ADAM12: variants seen among roughly 807,000 people sequenced by gnomAD.
The protein encoded by ADAM12 is disintegrin and metalloproteinase domain-containing protein 12.
In ADAM12, 70 loss-of-function variants were observed where a neutral mutation model predicts 106.4. The observed-to-expected ratio is 0.66, with a 90% CI of 0.54 to 0.80. The LOEUF (loss-of-function observed/expected upper bound fraction) is 0.80. Ranked by LOEUF, ADAM12 falls within the 30% of genes least tolerant of loss-of-function variation. The pLI is 0.00. For missense variants in ADAM12, 1,010 were observed against 1,171.9 expected (o/e 0.86, Z 2.02); for synonymous variants, 420 against 433.5 (o/e 0.97, Z 0.39).
At chr10:126,055,256 C>T (rs897713893) in intron 14 of ADAM12, among the ~76,000 whole-genome samples, 1 of 152,186 alleles carries the variant, frequency 6.6e-6, no homozygotes, top group African/African-American at 2.4e-5. Flanking sequence ...CAGACTCCCC[C>T]TGAGTCAGCA....
At chr10:126,380,983 A>C (rs1213653293) in intron 1 of ADAM12, among the ~76,000 whole-genome samples, 1 of 152,010 alleles carries the variant, frequency 6.6e-6, no homozygotes, top group Admixed American at 6.6e-5. Context: ...TGAGTTCATT[A>C]CAGCATCATC....
chr10:126,321,169 G>A (rs753482741), intron 2 of ADAM12, among the ~76,000 whole-genome samples: 21 of 152,112 alleles, frequency 1.4e-4, no homozygotes, highest in Non-Finnish European at 2.5e-4. Context: ...GTAACTATAA[G>A]CCCTACATGT....
At chr10:126,233,319 A>G (rs1958349661) in intron 3 of ADAM12, among the ~76,000 whole-genome samples, 1 of 152,124 alleles carries the variant, frequency 6.6e-6, no homozygotes, top group South Asian at 2.1e-4. Flanking sequence ...GAACCAGGTA[A>G]GGAGAGTGTT....
intron 3 of ADAM12, among the ~76,000 whole-genome samples, chr10:126,264,543 T>C (rs544303264): frequency 6.6e-6 from 1 of 152,148 alleles, no homozygotes; most frequent in Non-Finnish European, 1.5e-5. Flanking sequence ...TCCACCAGCA[T>C]ACTGAGAAGA....
intron 3 of ADAM12, among the ~76,000 whole-genome samples, chr10:126,163,041 G>A (rs912745026): frequency 1.1e-4 from 16 of 152,116 alleles, no homozygotes; most frequent in African/African-American, 2.9e-4. Context: ...ACTTTCTCCC[G>A]CTTTCATCAT....
intron 21 of ADAM12, among the ~76,000 whole-genome samples, chr10:126,024,560 G>T (rs1016447224): frequency 6.6e-6 from 1 of 152,136 alleles, no homozygotes; most frequent in Non-Finnish European, 1.5e-5. Flanking sequence ...ATATTTTCAT[G>T]TAACTGTCAC....
At chr10:126,038,952 C>CTTTTTTTTTTTTTTTTTTTTTTTTT in intron 19 of ADAM12, among the ~76,000 whole-genome samples, 1 of 71,542 alleles carries the variant, frequency 1.4e-5, no homozygotes, top group Non-Finnish European at 2.5e-5. Context: ...GACACCATTT[C>CTTTTTTTTTTTTTTTTTTTTTTTTT]TTTTTTTTTT....
chr10:126,367,652 GA>G (rs918271080), intron 1 of ADAM12, among the ~76,000 whole-genome samples: 8 of 151,926 alleles, frequency 5.3e-5, no homozygotes, highest in African/African-American at 1.4e-4. Context: ...CTAGCAGGAT[GA>G]AAAAAATGAG....
At chr10:126,104,407 G>T (rs1047399804) in intron 8 of ADAM12, among the ~76,000 whole-genome samples, 2 of 149,200 alleles carry the variant, frequency 1.3e-5, no homozygotes, top group Non-Finnish European at 3.0e-5. Context: ...CCAAGATGGC[G>T]CCATTGCACT....
intron 18 of ADAM12, chr10:126,041,970 A>G (rs1365315082): frequency 1.4e-6 from 2 of 1,429,782 alleles, no homozygotes; most frequent in Non-Finnish European, 1.8e-6. Flanking sequence ...CGTGCCTGGT[A>G]GGCTGGACTT....
chr10:126,239,774 G>A (rs10901567), intron 3 of ADAM12, among the ~76,000 whole-genome samples: 12 of 151,878 alleles, frequency 7.9e-5, no homozygotes, highest in South Asian at 2.1e-4. Context: ...AACCATTCAC[G>A]TCATTCAGAA....
chr10:126,152,008 GTTTT>G (rs59527849), intron 4 of ADAM12, among the ~76,000 whole-genome samples: 1 of 133,098 alleles, frequency 7.5e-6, no homozygotes, highest in African/African-American at 2.7e-5. Context: ...TCCCTCTTGA[GTTTT>G]TTTTTTTTTT....
At chr10:126,141,991 G>T (rs988724080) in intron 4 of ADAM12, among the ~76,000 whole-genome samples, 15 of 152,140 alleles carry the variant, frequency 9.9e-5, no homozygotes, top group Non-Finnish European at 7.4e-5. Context: ...GGGAAACCAA[G>T]ACCTAAATAA....
chr10:126,192,083 C>A (rs1005618561), intron 3 of ADAM12, among the ~76,000 whole-genome samples: 1 of 152,270 alleles, frequency 6.6e-6, no homozygotes, highest in South Asian at 2.1e-4. Flanking sequence ...AATCACCTCC[C>A]ACTAGTCTCC....
intron 3 of ADAM12, among the ~76,000 whole-genome samples, chr10:126,176,290 C>T (rs533428192): frequency 3.9e-5 from 6 of 152,358 alleles, no homozygotes; most frequent in Admixed American, 1.3e-4. Flanking sequence ...AAAGAGCTCA[C>T]AGCTCACCAA....
chr10:126,376,393 G>T (rs1373605932), intron 1 of ADAM12, among the ~76,000 whole-genome samples: 2 of 152,156 alleles, frequency 1.3e-5, no homozygotes, highest in Non-Finnish European at 2.9e-5. Flanking sequence ...GAACAGCCAT[G>T]AACTGGCACT....
intron 16 of ADAM12, among the ~76,000 whole-genome samples, chr10:126,047,509 C>T (rs990939289): frequency 4.6e-5 from 7 of 152,038 alleles, no homozygotes; most frequent in East Asian, 1.9e-4. Flanking sequence ...TCATCTTGAA[C>T]GTGGAAAACA....
chr10:126,132,523 C>T (rs1956323801), intron 5 of ADAM12, among the ~76,000 whole-genome samples: 1 of 56,166 alleles, frequency 1.8e-5, no homozygotes, highest in African/African-American at 8.4e-5. Context: ...GCTGCATGAA[C>T]ACCCCCCCCC....
intron 2 of ADAM12, among the ~76,000 whole-genome samples, chr10:126,302,046 C>T (rs975491033): frequency 1.2e-4 from 19 of 152,130 alleles, no homozygotes; most frequent in Non-Finnish European, 2.2e-4. Context: ...TCTAAAATTT[C>T]GACATTCTCT....
Sources: allele counts gnomAD v4.1 joint callset (sites outside exome capture counted in the v4.1 genomes callset), GRCh38; gene constraint gnomAD v4.1.1; transcripts MANE v1.5; gene names NCBI Gene and HGNC (gene_info 2026-07-23, HGNC 2026-07-21).